ANAPC2: variants seen among roughly 807,000 people sequenced by gnomAD.
The protein encoded by ANAPC2 is anaphase-promoting complex subunit 2.
Under a neutral mutation model 84.3 loss-of-function variants are expected in ANAPC2, and 29 were observed. That is an observed-to-expected ratio of 0.34 (90% CI 0.26 to 0.47). The LOEUF (loss-of-function observed/expected upper bound fraction) is 0.47, where lower values mean the gene tolerates loss of function less well. Ranked by LOEUF, ANAPC2 falls within the 20% of genes least tolerant of loss-of-function variation. ANAPC2 has a pLI of 1.00. For synonymous variants in ANAPC2, 571 were observed against 479.4 expected (o/e 1.19, Z -2.50); for missense variants, 857 against 1,131.7 (o/e 0.76, Z 3.48).
rs903850363 is a variant in ANAPC2 at position 137,186,113 on chromosome 9, G to A, written c.873+111C>T. On this transcript the variant is annotated intron_variant, in intron 3 of 12. Coordinates refer to ENST00000323927, the MANE Select transcript of ANAPC2 (RefSeq NM_013366.4). The stretch of plus-strand genomic sequence containing the variant: ...GACAGCTCCAGCCACCACCCGGTCT[G>A]GGCCCACCCAGGCCTCCGTGCTCTG... 111 of 1,484,208 alleles carry A rather than the reference G, an allele frequency of 7.5e-5. 1 individual carries two copies. The African/African-American group carries it at 1.4e-3, about 19-fold the overall frequency. The allele number at this position is 1,484,208 out of a possible 1,614,324, so 91.9% of individuals were successfully genotyped here.
In ANAPC2 at chr9:137,175,139, T is replaced by C. The variant is rs1364137514; in HGVS notation, c.2272A>G (p.Ile758Val). 1 of 1,608,446 alleles carries C rather than the reference T, an allele frequency of 6.2e-7. No individual in the cohort carries two copies. Among genetic ancestry groups the C allele is most frequent in the Non-Finnish European group, 8.5e-7 (1 of 1,178,162 alleles). The change falls in exon 13 of 13, where the codon ATC becomes GTC. Residue 758 changes from isoleucine (I) to valine (V), a missense_variant. By Grantham distance (29) the Ile-to-Val change is conservative (BLOSUM62 3). This residue lies in a region of ANAPC2 where 425 missense variants were observed against 595.5 expected (regional missense o/e 0.71). Transcript: ENST00000323927. ...TCCAGGTTGGTCAGCATGGCCTGGA[T>C]GTACGTCCAGAAGAGCTGCGGACAC... is the stretch of plus-strand genomic sequence containing the variant. ...EEELLLFWTY[I>V]QAMLTNLESL...
At chr9:137,183,375 C>T in intron 5 of ANAPC2, 133 bp from the exon 6 acceptor site, 1 of 834,484 alleles carries the variant, frequency 1.2e-6, no homozygotes, top group Non-Finnish European at 2.0e-6. Context: ...TTCCCTTGTC[C>T]CCCCATCCCC....
chr9:137,188,277 C>G, intron 1 of ANAPC2, 139 bp downstream of exon 1: 1 of 1,295,194 alleles, frequency 7.7e-7, no homozygotes, highest in East Asian at 2.5e-5. Flanking sequence ...CGAAACGAAA[C>G]GGAAAGGTGG....
Position 137,175,733 on chromosome 9 carries a change from C to A in ANAPC2, c.1995G>T (p.Val665=). ...CTTGGTCCTGAAAATACAGCAAGAT[C>A]ACCGCCTGTACTGGGGTGACCGCCA... ...LSVAVTPVQA[V]ILLYFQDQAS... Residue 665 remains valine, a synonymous_variant, in exon 11 of 13, where the codon GTG becomes GTT. Transcript: ENST00000323927. 6.2e-7 allele frequency: 1 copy of A among 1,611,534 alleles called. No homozygotes were observed. The highest frequency in any genetic ancestry group is 8.5e-7 in the Non-Finnish European group (1 of 1,179,262).
At chr9:137,175,541 C>T (rs1834189997) in intron 11 of ANAPC2, 69 bp from the exon 12 acceptor site, 2 of 1,489,174 alleles carry the variant, frequency 1.3e-6, no homozygotes, top group Admixed American at 4.3e-5. Context: ...CTCCCGTCAG[C>T]CGAGAGGTCG....
At position 137,175,002 on chromosome 9, in the gene ANAPC2, C is replaced by T; in HGVS notation, c.2409G>A (p.Val803=). The T allele has an allele frequency of 6.2e-7, 1 of 1,605,056 alleles. No individual in the cohort carries two copies. The change falls in exon 13 of 13, where the codon GTG becomes GTA. Residue 803 remains valine, a synonymous_variant. Transcript: ENST00000323927. ...CCGAGTAGACGAGCTGCTGGTCCCG[C>T]ACCTTCTTCTGCAGGTAGCCCTGCA... The part of the protein sequence containing the change: ...QELQGYLQKK[V]RDQQLVYSAG...
At chr9:137,179,094 C>A (rs531989122) in intron 10 of ANAPC2, among the ~76,000 whole-genome samples, 1 of 152,216 alleles carries the variant, frequency 6.6e-6, no homozygotes, top group East Asian at 1.9e-4. Flanking sequence ...GGCCTCCTGG[C>A]GGCTCTGTCC....
chr9:137,181,951 C>T (rs1229247741), intron 6 of ANAPC2, 89 bp from the exon 7 acceptor site: 6 of 1,408,836 alleles, frequency 4.3e-6, no homozygotes, highest in South Asian at 2.7e-5. Context: ...CCATCTAGGC[C>T]AGCACCACCG....
intron 2 of ANAPC2, chr9:137,186,911 T>TA (rs1230091254): frequency 6.0e-6 from 1 of 166,818 alleles, no homozygotes; most frequent in African/African-American, 2.4e-5. Context: ...TTAGTCCACC[T>TA]AAGACCTCTC....
chr9:137,181,964 C>G (rs1439186117), intron 6 of ANAPC2, 102 bp from the exon 7 acceptor site: 6 of 1,286,612 alleles, frequency 4.7e-6, no homozygotes, highest in South Asian at 2.9e-5. Context: ...CACCACCGAC[C>G]CTGCCTCTAC....
chr9:137,175,806 A>G lies in ANAPC2; in HGVS notation c.1922T>C (p.Leu641Pro). ...AMRTLSWKHT[L>P]GLVTMDVELA... ...CTCCACGTCCATGGTCACCAGGCCC[A>G]GGGTGTGCTTCCAACTGAGGGTCCG... is the stretch of plus-strand genomic sequence containing the variant. The change falls in exon 11 of 13, where the codon CTG becomes CCG. Residue 641 changes from leucine to proline, a missense_variant. Transcript: ENST00000323927. 2 of 1,609,486 alleles carry G rather than the reference A, an allele frequency of 1.2e-6. No individual in the cohort carries two copies. The highest frequency in any genetic ancestry group is 1.7e-6 in the Non-Finnish European group (2 of 1,178,300).
intron 4 of ANAPC2, among the ~76,000 whole-genome samples, 161 bp from the exon 5 acceptor site, chr9:137,183,952 G>A (rs74758474): frequency 1.4e-4 from 22 of 152,324 alleles, no homozygotes; most frequent in South Asian, 4.1e-4. Context: ...ACACTCTGGC[G>A]TGCTGATGCA....
At chr9:137,175,659 A>G (rs1314401717) in intron 11 of ANAPC2, 49 bp downstream of exon 11, 1 of 1,584,488 alleles carries the variant, frequency 6.3e-7, no homozygotes, top group Non-Finnish European at 8.6e-7. Flanking sequence ...CCTCACCCAC[A>G]GCTGGGCCGT....
At chr9:137,177,361 T>G (rs1054085027) in intron 10 of ANAPC2, among the ~76,000 whole-genome samples, 3 of 150,434 alleles carry the variant, frequency 2.0e-5, no homozygotes, top group African/African-American at 7.5e-5. Context: ...TGTGTATGCT[T>G]GTCTTACGGC....
intron 10 of ANAPC2, chr9:137,176,186 T>G: frequency 5.4e-6 from 1 of 186,330 alleles, no homozygotes; most frequent in Non-Finnish European, 1.1e-5. Flanking sequence ...AAAGGAAAGA[T>G]AGGAAGACAC....
At chr9:137,177,013 G>C (rs1326357380) in intron 10 of ANAPC2, 3 of 152,258 alleles carry the variant, frequency 2.0e-5, no homozygotes, top group African/African-American at 7.2e-5. Context: ...ACCAGGGTTT[G>C]CTAGACATGA....
chr9:137,183,399 C>T lies in ANAPC2; in HGVS notation c.1169-157G>A, dbSNP rs1010993976. ...CCCCCCATCCCCACCTCTACCTGTT[C>T]ACAGGTCCCGCCCTGCAGGGAGGTC... On this transcript the variant is annotated intron_variant, in intron 5 of 12. Coordinates refer to ENST00000323927, the MANE Select transcript of ANAPC2 (RefSeq NM_013366.4). 6.4e-6 allele frequency: 5 copies of T among 781,310 alleles called. No homozygotes were observed. In the African/African-American group the frequency reaches 6.9e-5, roughly 11 times the overall value. 48.4% of individuals were successfully genotyped at this position (781,310 alleles called of 1,614,324 possible).
chr9:137,184,401 C>A (rs951023809), intron 4 of ANAPC2, among the ~76,000 whole-genome samples: 1 of 144,632 alleles, frequency 6.9e-6, no homozygotes, highest in Non-Finnish European at 1.5e-5. Flanking sequence ...GGAGCCCAGA[C>A]GCAGACACAG....
At position 137,183,757 on chromosome 9, in the gene ANAPC2, G is replaced by C. The variant is rs557177824; in HGVS notation, c.1083C>G (p.Leu361=). 1.4e-5 allele frequency: 22 copies of C among 1,613,322 alleles called. No individual in the cohort carries two copies. The highest frequency in any genetic ancestry group is 1.6e-4 in the Middle Eastern group (1 of 6,062). ...FPDSRPAIED[L]KYCLERTDQR... is the part of the protein sequence containing the mutation. ...GGTCCGTCCTCTCCAGGCAGTACTTGAGGTCCTCGATGGCTGGCCGGGAGT... is the reference window on the plus strand; with the variant it reads ...GGTCCGTCCTCTCCAGGCAGTACTTCAGGTCCTCGATGGCTGGCCGGGAGT... The change falls in exon 5 of 13, where the codon CTC becomes CTG. Residue 361 remains leucine (L), a synonymous_variant. Coordinates refer to ENST00000323927, the MANE Select transcript of ANAPC2 (RefSeq NM_013366.4).
Sources: allele counts gnomAD v4.1 joint callset (sites outside exome capture counted in the v4.1 genomes callset), GRCh38; gene constraint gnomAD v4.1.1; regional missense constraint gnomAD v4.1.1; transcripts MANE v1.5; gene names NCBI Gene and HGNC (gene_info 2026-07-23, HGNC 2026-07-21).